KDM2A: variants seen among roughly 807,000 people sequenced by gnomAD.
KDM2A encodes lysine-specific demethylase 2A.
KDM2A carries 3 observed loss-of-function variants against 137.3 expected under a neutral mutation model. That is an observed-to-expected ratio of 0.02 (90% confidence interval 0.01 to 0.06). The LOEUF (loss-of-function observed/expected upper bound fraction) is 0.06, where lower values mean the gene tolerates loss of function less well. Ranked by LOEUF, KDM2A falls within the 10% of genes least tolerant of loss-of-function variation. KDM2A has a pLI of 1.00. For missense variants in KDM2A, 738 were observed against 1,510.6 expected (o/e 0.49, Z 8.48); for synonymous variants, 512 against 541.5 (o/e 0.95, Z 0.76).
intron 2 of KDM2A, among the ~76,000 whole-genome samples, chr11:67,135,237 T>G (rs1045427263): frequency 3.7e-4 from 57 of 152,122 alleles, no homozygotes; most frequent in African/African-American, 1.4e-3. Flanking sequence ...CCCAGCTAAT[T>G]TTGTATTTTT....
In KDM2A at chr11:67,207,700, C is replaced by A. The variant is rs919336607; in HGVS notation, c.486+12C>A. ...AGAGGCCCTCCACGGTTAGTGTAAT[C>A]ATTTTCTTCATATTGTCATTGTCAC... On this transcript the variant is annotated intron_variant, in intron 6 of 20. Coordinates refer to ENST00000529006, the MANE Select transcript of KDM2A (RefSeq NM_012308.3). The A allele has an allele frequency of 2.5e-6, 4 of 1,575,710 alleles. No homozygotes were observed. Among genetic ancestry groups the A allele is most frequent in the African/African-American group, 2.7e-5 (2 of 74,114 alleles).
rs565276608 is a variant in KDM2A, at chr11:67,175,334, T to C, written c.43-4745T>C. Among the ~76,000 whole-genome samples the C allele has an allele frequency of 2.6e-5, 4 of 152,098 alleles. No homozygotes were observed. In the South Asian group the frequency reaches 8.3e-4, roughly 32 times the overall value. On this transcript the variant is annotated intron_variant, in intron 2 of 20. Transcript: ENST00000529006. ...ATCCCAGCACTTTGGGAGGCCAAGGTTGGAGGATCACTTGAGCCCAGGAGG... is the reference window on the plus strand; with the variant it reads ...ATCCCAGCACTTTGGGAGGCCAAGGCTGGAGGATCACTTGAGCCCAGGAGG...
Position 67,255,086 on chromosome 11 carries a change from C to A in KDM2A, c.*31C>A, listed in dbSNP as rs778310942. ...ACCCAGCCCAGATTCAACAGGAAAC[C>A]GATCTTCCCCTGACTCCCCACCGAG... On this transcript the variant is annotated 3_prime_UTR_variant, in exon 21 of 21. Transcript: ENST00000529006. 32 of 1,583,338 alleles carry A rather than the reference C, an allele frequency of 2.0e-5. No individual in the cohort carries two copies. Among genetic ancestry groups the A allele is most frequent in the Non-Finnish European group, 2.6e-5 (30 of 1,164,178 alleles).
At chr11:67,217,596 C>T (rs1841453537) in intron 8 of KDM2A, 135 bp from the exon 9 acceptor site, 1 of 777,082 alleles carries the variant, frequency 1.3e-6, no homozygotes, top group African/African-American at 1.7e-5. Flanking sequence ...ACCACATAGT[C>T]AAGTTCTATA....
intron 2 of KDM2A, among the ~76,000 whole-genome samples, chr11:67,178,371 T>C (rs7928575): frequency 0.088 from 13,348 of 152,150 alleles, 1,979 homozygotes; most frequent in African/African-American, 0.3. Context: ...AGCCACTGCA[T>C]TCCAGCCTGC....
At chr11:67,239,329 G>A (rs1374052740) in intron 12 of KDM2A, among the ~76,000 whole-genome samples, 1 of 152,150 alleles carries the variant, frequency 6.6e-6, no homozygotes, top group East Asian at 1.9e-4. Context: ...GGATTGCTGC[G>A]CAGACATTTC....
Position 67,252,682 on chromosome 11 carries a change from C to T in KDM2A, c.2769-12C>T, listed in dbSNP as rs1156678590. 1.2e-6 allele frequency: 2 copies of T among 1,613,826 alleles called. No individual in the cohort carries two copies. Among genetic ancestry groups the T allele is most frequent in the African/African-American group, 2.7e-5 (2 of 74,912 alleles). Reference sequence around the variant, plus strand: ...AGTTAATGAAGGCGAGTTCTCTTCCCTTCTATCACAGGTGCTGCGACAAGA... The same window carrying T: ...AGTTAATGAAGGCGAGTTCTCTTCCTTTCTATCACAGGTGCTGCGACAAGA... On this transcript the variant is annotated splice_polypyrimidine_tract_variant and intron_variant, in intron 17 of 20. Coordinates refer to ENST00000529006, the MANE Select transcript of KDM2A (RefSeq NM_012308.3).
chr11:67,216,178 C>T (rs1414803552), intron 8 of KDM2A, among the ~76,000 whole-genome samples: 1 of 152,166 alleles, frequency 6.6e-6, no homozygotes, highest in Non-Finnish European at 1.5e-5. Flanking sequence ...TAGTAAATCT[C>T]AATAGTCCTG....
At chr11:67,157,607 C>T (rs1165192340) in intron 2 of KDM2A, among the ~76,000 whole-genome samples, 1 of 151,368 alleles carries the variant, frequency 6.6e-6, no homozygotes, top group African/African-American at 2.4e-5. Context: ...TAGCCAGACA[C>T]AGTGGCACGC....
In KDM2A at chr11:67,255,028, C is replaced by A; in HGVS notation, c.3462C>A (p.Asp1154Glu). 1 of 1,612,424 alleles carries A rather than the reference C, an allele frequency of 6.2e-7. No individual in the cohort carries two copies. The highest frequency in any genetic ancestry group is 2.2e-5 in the East Asian group (1 of 44,844). Residue 1154 changes from aspartate to glutamate, a missense_variant, in exon 21 of 21, where the codon GAC becomes GAA. Physicochemically the swap from Asp to Glu is conservative, Grantham distance 45 (BLOSUM62 2). Transcript: ENST00000529006. ...TCAACAGCCTCTACTGCCTGTCTGA[C>A]GAGAAGCTGATACAGAAGATCAGCT... ...LSINSLYCLS[D>E]EKLIQKIS is the part of the protein sequence containing the mutation.
At chr11:67,176,517 A>C (rs1856975889) in intron 2 of KDM2A, among the ~76,000 whole-genome samples, 1 of 152,240 alleles carries the variant, frequency 6.6e-6, no homozygotes, top group African/African-American at 2.4e-5. Context: ...CACTGGCTAA[A>C]GTAAAATACC....
chr11:67,209,977 T>G (rs1407758946), intron 6 of KDM2A, among the ~76,000 whole-genome samples: 1 of 152,030 alleles, frequency 6.6e-6, no homozygotes, highest in Non-Finnish European at 1.5e-5. Flanking sequence ...GGAGGATTGC[T>G]TGAGCCTGGG....
intron 2 of KDM2A, among the ~76,000 whole-genome samples, chr11:67,167,270 T>C (rs1403996909): frequency 6.6e-6 from 1 of 152,106 alleles, no homozygotes; most frequent in Admixed American, 6.6e-5. Flanking sequence ...GATAGCCACA[T>C]TTTGTTGTTG....
chr11:67,253,446 A>G lies in KDM2A; in HGVS notation c.2933-7A>G. On this transcript the variant is annotated splice_region_variant and splice_polypyrimidine_tract_variant and intron_variant, in intron 18 of 20. Transcript: ENST00000529006. ...TATTATTACATGTCTCATTCCATCCATTGCAGGACTGAAAGACCTCCTCCT... is the reference window on the plus strand; with the variant it reads ...TATTATTACATGTCTCATTCCATCCGTTGCAGGACTGAAAGACCTCCTCCT... 1 of 1,612,512 alleles carries G rather than the reference A, an allele frequency of 6.2e-7. No individual in the cohort carries two copies. Among genetic ancestry groups the G allele is most frequent in the Admixed American group, 1.7e-5 (1 of 59,968 alleles).
chr11:67,136,679 G>T (rs1020290137), intron 2 of KDM2A, among the ~76,000 whole-genome samples: 1 of 152,182 alleles, frequency 6.6e-6, no homozygotes, highest in Non-Finnish European at 1.5e-5. Flanking sequence ...ATCTTGTGAT[G>T]TTCAGGGGTT....
At chr11:67,152,305 C>T (rs1354689080) in intron 2 of KDM2A, among the ~76,000 whole-genome samples, 1 of 148,668 alleles carries the variant, frequency 6.7e-6, no homozygotes, top group Admixed American at 6.7e-5. Context: ...GGAGTGAGAC[C>T]CTGTCTCAAC....
intron 2 of KDM2A, among the ~76,000 whole-genome samples, chr11:67,137,013 T>C (rs548952127): frequency 1.1e-4 from 17 of 152,316 alleles, no homozygotes; most frequent in African/African-American, 3.8e-4. Flanking sequence ...GAGAACACTT[T>C]CCTGAGAGAG....
intron 5 of KDM2A, among the ~76,000 whole-genome samples, chr11:67,191,253 C>T (rs528172823): frequency 1.1e-4 from 17 of 152,140 alleles, no homozygotes; most frequent in South Asian, 2.1e-4. Flanking sequence ...TCTCGATCTC[C>T]TGACCTCGTG....
rs756892467 is a variant in KDM2A, at chr11:67,245,987, C to G, written c.1836C>G (p.Pro612=). The change falls in exon 15 of 21, where the codon CCC becomes CCG. Residue 612 remains proline (P), a splice_region_variant and synonymous_variant. Transcript: ENST00000529006. This position sits in a 1 kb window ranked among gnomAD's most constrained non-coding sequence, Gnocchi z 4.1. Reference sequence around the variant, plus strand: ...ATTCTATCTTTGTCCTCTTGTAGCCCAGACTGCCTCACTCAGTCACATGTT... The same window carrying G: ...ATTCTATCTTTGTCCTCTTGTAGCCGAGACTGCCTCACTCAGTCACATGTT... ...QSCVLRQCLA[P]RLPHSVTCSL... 10 of 1,613,902 alleles carry G rather than the reference C, an allele frequency of 6.2e-6. No homozygotes were observed. Among genetic ancestry groups the G allele is most frequent in the Non-Finnish European group, 8.5e-6 (10 of 1,179,818 alleles).
Sources: gnomAD v4.1 joint callset for allele counts (sites outside exome capture counted in the v4.1 genomes callset) on GRCh38, gnomAD v4.1.1 for gene constraint, Gnocchi (gnomAD v3.1) non-coding constraint, MANE v1.5 for transcripts, NCBI Gene and HGNC (gene_info 2026-07-23, HGNC 2026-07-21) for gene names.